TENM2: variants seen among roughly 807,000 people sequenced by gnomAD.
TENM2 encodes the protein teneurin-2.
Under a neutral mutation model 245.2 loss-of-function variants are expected in TENM2, and 52 were observed. The ratio of observed to expected loss-of-function variants is 0.21; its 90% confidence interval spans 0.17 to 0.27. The LOEUF (loss-of-function observed/expected upper bound fraction) is 0.27, where lower values mean the gene tolerates loss of function less well. Among genes scored for constraint, TENM2 ranks in the 10% least tolerant of loss-of-function variants. TENM2 has a pLI of 1.00. For missense variants in TENM2, 3,046 were observed against 3,666.8 expected (o/e 0.83, Z 4.37); for synonymous variants, 1,363 against 1,438.9 (o/e 0.95, Z 1.19).
chr5:167,350,413 A>ATATG lies in TENM2; in HGVS notation c.227-24784_227-24783insATGT, dbSNP rs67154307. 2.1e-3 allele frequency among the ~76,000 whole-genome samples: 295 copies of ATATG among 141,928 alleles called. 1 individual carries two copies. Among genetic ancestry groups the ATATG allele is most frequent in the Middle Eastern group, 3.6e-3 (1 of 280 alleles). The allele number at this position is 141,928 out of a possible 152,430, so 93.1% of individuals were successfully genotyped here. A position where few individuals can be genotyped will look rare whatever the true frequency, so the allele number is the denominator to read the frequency against. On this transcript the variant is annotated intron_variant, in intron 1 of 28. Transcript: ENST00000518659. ...ATTATGAAAACCCATATACATATAT[A>ATATG]TGTGTGTGTGTGTGTGTGTGTGTGT...
At chr5:168,099,631 A>G (rs1466369995) in intron 9 of TENM2, among the ~76,000 whole-genome samples, 3 of 152,198 alleles carry the variant, frequency 2.0e-5, no homozygotes, top group Non-Finnish European at 4.4e-5. Flanking sequence ...CTGCAAGACA[A>G]TCATTAATAA....
chr5:167,565,034 A>G (rs1183599504), intron 2 of TENM2, among the ~76,000 whole-genome samples: 1 of 152,242 alleles, frequency 6.6e-6, no homozygotes, highest in Admixed American at 6.5e-5. Flanking sequence ...AAATCATGGA[A>G]AACAATTGAG....
intron 7 of TENM2, among the ~76,000 whole-genome samples, chr5:168,090,153 T>C (rs1792798282): frequency 6.6e-6 from 1 of 151,806 alleles, no homozygotes; most frequent in African/African-American, 2.4e-5. Flanking sequence ...AGTTATACTT[T>C]GCATATCCTC....
At chr5:168,119,646 A>G (rs534926779) in intron 10 of TENM2, among the ~76,000 whole-genome samples, 6 of 152,214 alleles carry the variant, frequency 3.9e-5, no homozygotes, top group South Asian at 2.1e-4. Context: ...CCATTCCCCA[A>G]TCTCTGAATT....
chr5:167,402,876 C>G (rs1251652391), intron 2 of TENM2, among the ~76,000 whole-genome samples: 1 of 152,066 alleles, frequency 6.6e-6, no homozygotes, highest in African/African-American at 2.4e-5. Context: ...CTTGGGTGAC[C>G]AGTCTTAAAT....
chr5:167,650,092 A>C (rs540418102), intron 2 of TENM2, among the ~76,000 whole-genome samples: 51 of 152,318 alleles, frequency 3.3e-4, no homozygotes, highest in African/African-American at 1.1e-3. Flanking sequence ...GTAAGTAAAA[A>C]TGTCAGTTCC....
intron 13 of TENM2, among the ~76,000 whole-genome samples, chr5:168,171,763 G>GA (rs1399692558): frequency 6.6e-6 from 1 of 151,960 alleles, no homozygotes; most frequent in African/African-American, 2.4e-5. Context: ...TGCATAATCT[G>GA]AAAAAAAATT....
intron 4 of TENM2, among the ~76,000 whole-genome samples, chr5:167,954,027 A>C (rs1168531059): frequency 6.6e-6 from 1 of 152,236 alleles, no homozygotes; most frequent in African/African-American, 2.4e-5. Flanking sequence ...ACCTAAGCTA[A>C]TAAATATCCT....
chr5:167,913,264 A>G (rs1776687629), intron 3 of TENM2, among the ~76,000 whole-genome samples: 1 of 152,070 alleles, frequency 6.6e-6, no homozygotes, highest in South Asian at 2.1e-4. Flanking sequence ...TTTGCATGGG[A>G]TTTCAGTGTG....
the TENM2 span, among the ~76,000 whole-genome samples, chr5:167,179,431 C>T: frequency 6.6e-6 from 1 of 152,112 alleles, no homozygotes; most frequent in Non-Finnish European, 1.5e-5. Flanking sequence ...ATTACATTTT[C>T]GGTAAGTAAT....
intron 2 of TENM2, among the ~76,000 whole-genome samples, chr5:167,579,782 T>A (rs543208204): frequency 9.2e-5 from 14 of 152,300 alleles, no homozygotes; most frequent in African/African-American, 2.6e-4. Context: ...AAGACAACAC[T>A]TGTGACCTGA....
chr5:168,214,797 A>G (rs759083104), intron 20 of TENM2: 5 of 599,624 alleles, frequency 8.3e-6, no homozygotes, highest in East Asian at 3.6e-5. Context: ...ATGAAGCAAC[A>G]GTTGTTTAGC....
chr5:167,257,271 TCTA>T, the TENM2 span, among the ~76,000 whole-genome samples: 1 of 152,152 alleles, frequency 6.6e-6, no homozygotes, highest in South Asian at 2.1e-4. Context: ...ATCTGCTTGT[TCTA>T]CTAGATACAT....
chr5:167,354,301 A>G (rs1169010951), intron 1 of TENM2, among the ~76,000 whole-genome samples: 2 of 152,208 alleles, frequency 1.3e-5, no homozygotes, highest in Non-Finnish European at 2.9e-5. Flanking sequence ...TGGCTCACTG[A>G]TTTTATCCAA....
chr5:167,836,003 A>AC (rs1768954633), intron 2 of TENM2, among the ~76,000 whole-genome samples: 1 of 152,190 alleles, frequency 6.6e-6, no homozygotes, highest in Non-Finnish European at 1.5e-5. Flanking sequence ...TTTTGTTTTG[A>AC]ACCAGCCTGC....
intron 5 of TENM2, among the ~76,000 whole-genome samples, chr5:168,037,421 G>C (rs1336545715): frequency 6.6e-6 from 1 of 151,876 alleles, no homozygotes; most frequent in Non-Finnish European, 1.5e-5. Context: ...GTCAAACCAG[G>C]TAGAAATAGA....
At chr5:167,366,869 T>C (rs374970636) in intron 1 of TENM2, among the ~76,000 whole-genome samples, 1 of 152,136 alleles carries the variant, frequency 6.6e-6, no homozygotes, top group East Asian at 1.9e-4. Context: ...TGCTCTCACA[T>C]AGGATAACTG....
At chr5:167,774,765 G>A (rs1052580141) in intron 2 of TENM2, among the ~76,000 whole-genome samples, 1 of 152,182 alleles carries the variant, frequency 6.6e-6, no homozygotes, top group African/African-American at 2.4e-5. Context: ...AATGGTGGAT[G>A]AGTAGGAATT....
At chr5:168,064,853 A>C (rs1382883094) in intron 7 of TENM2, among the ~76,000 whole-genome samples, 2 of 152,202 alleles carry the variant, frequency 1.3e-5, no homozygotes, top group Non-Finnish European at 2.9e-5. Flanking sequence ...ATATAGGGGC[A>C]CTGTTTTCCA....
Sources: gnomAD v4.1 joint callset for allele counts (sites outside exome capture counted in the v4.1 genomes callset) on GRCh38, gnomAD v4.1.1 for gene constraint, MANE v1.5 for transcripts, NCBI Gene and HGNC (gene_info 2026-07-23, HGNC 2026-07-21) for gene names.